The following CDC42BPG variants were observed in gnomAD, a reference collection of about 807,000 sequenced individuals.
CDC42BPG encodes serine/threonine-protein kinase MRCK gamma.
A neutral mutation model predicts 192.2 loss-of-function variants in CDC42BPG; 157 were observed. That is an observed-to-expected ratio of 0.82 (90% CI 0.72 to 0.93). The LOEUF (loss-of-function observed/expected upper bound fraction) is 0.93, where lower values mean the gene tolerates loss of function less well. Among genes scored for constraint, CDC42BPG ranks in the 40% least tolerant of loss-of-function variants. The pLI is 0.00. For missense variants in CDC42BPG, 1,992 were observed against 2,122.1 expected (o/e 0.94, Z 1.20); for synonymous variants, 981 against 918.5 (o/e 1.07, Z -1.23).
chr11:64,830,083 C>T lies in CDC42BPG; in HGVS notation c.3368-13G>A, dbSNP rs749545832. 1.4e-5 allele frequency: 23 copies of T among 1,612,352 alleles called. No homozygotes were observed. Among genetic ancestry groups the T allele is most frequent in the Non-Finnish European group, 1.8e-5 (21 of 1,179,470 alleles). On this transcript the variant is annotated splice_polypyrimidine_tract_variant and intron_variant, in intron 29 of 36. Transcript: ENST00000342711. ...ACCTGGAAGATGTCTGCAGGGTTGG[C>T]GAGGGGAGAGTGTCACTGGCAGGTG...
At chr11:64,831,231 G>GAA (rs11429027) in intron 28 of CDC42BPG, among the ~76,000 whole-genome samples, 68 of 146,784 alleles carry the variant, frequency 4.6e-4, no homozygotes, top group East Asian at 1.6e-3. Context: ...AAAAGAAAAA[G>GAA]AAAAAAAAAA....
rs1942438107 is a variant in CDC42BPG at position 64,826,729 on chromosome 11, C to G, written c.4455G>C (p.Glu1485Asp). 6.5e-7 allele frequency: 1 copy of G among 1,547,892 alleles called. No homozygotes were observed. The highest frequency in any genetic ancestry group is 1.2e-5 in the South Asian group (1 of 83,644). The change falls in exon 35 of 37, where the codon GAG (glutamate) becomes GAC (aspartate). Residue 1485 changes from glutamate (E) to aspartate (D), a missense_variant. By Grantham distance (45) the Glu-to-Asp change is conservative. This residue lies in a region of CDC42BPG where 336 missense variants were observed against 277.9 expected (regional missense o/e 1.21). Transcript: ENST00000342711. The part of the protein sequence containing the change: ...SGPQRPHSFS[E>D]ALRRPASMGS... Reference sequence around the variant, plus strand: ...CCATGGAGGCTGGGCGCCGCAACGCCTCGGAGAAGCTGTGGGGCCGCTGTG... The same window carrying G: ...CCATGGAGGCTGGGCGCCGCAACGCGTCGGAGAAGCTGTGGGGCCGCTGTG...
intron 36 of CDC42BPG, 141 bp from the exon 37 acceptor site, chr11:64,824,670 G>A: frequency 6.5e-6 from 4 of 611,416 alleles, no homozygotes; most frequent in South Asian, 2.0e-5. Flanking sequence ...GTGAGGTGAG[G>A]AGTAGAGGTG....
intron 16 of CDC42BPG, 37 bp from the exon 17 acceptor site, chr11:64,835,190 C>T: frequency 6.2e-7 from 1 of 1,602,412 alleles, no homozygotes; most frequent in East Asian, 2.2e-5. Flanking sequence ...CCCCAGGCCC[C>T]AGCAGTCCTG....
intron 20 of CDC42BPG, 65 bp from the exon 21 acceptor site, chr11:64,834,042 G>A (rs375663159): frequency 8.1e-5 from 129 of 1,596,672 alleles, no homozygotes; most frequent in East Asian, 7.1e-4. Context: ...TCCAGGAGGG[G>A]CCTCAGTTCC....
Position 64,834,521 on chromosome 11 carries a change from C to A in CDC42BPG, c.2232G>T (p.Glu744Asp). ...LQKMEASARL[E>D]LQSALEAEIR... is the part of the protein sequence containing the mutation. ...TCTCGGCCTCCAGCGCTGACTGCAG[C>A]TCCAGCCTGGCCGAGGCCTCCATCT... is the stretch of plus-strand genomic sequence containing the variant. Residue 744 changes from glutamate (E) to aspartate (D), a missense_variant, in exon 19 of 37, where the codon GAG (glutamate) becomes GAT (aspartate). Transcript: ENST00000342711. 2 of 1,583,072 alleles carry A rather than the reference C, an allele frequency of 1.3e-6. No individual in the cohort carries two copies. The highest frequency in any genetic ancestry group is 8.6e-7 in the Non-Finnish European group (1 of 1,163,072).
In CDC42BPG at chr11:64,831,593, C is replaced by T. The variant is rs376459497; in HGVS notation, c.3216G>A (p.Arg1072=). 6.2e-7 allele frequency: 1 copy of T among 1,612,252 alleles called. No homozygotes were observed. Among genetic ancestry groups the T allele is most frequent in the Admixed American group, 1.7e-5 (1 of 60,004 alleles). The change falls in exon 28 of 37, where the codon CGG becomes CGA. Residue 1072 remains arginine (R), a synonymous_variant. Coordinates refer to ENST00000342711, the MANE Select transcript of CDC42BPG (RefSeq NM_017525.3). The part of the protein sequence containing the change: ...GELQRLLLDA[R]PRPRPVYTLK... ...GTGTGTACACGGGCCGGGGTCTTGG[C>T]CGCGCGTCCAGCAGCAGCCGCTGCA...
chr11:64,836,704 C>CG, intron 11 of CDC42BPG, 35 bp downstream of exon 11: 1 of 455,580 alleles, frequency 2.2e-6, no homozygotes, highest in Non-Finnish European at 2.8e-6. Flanking sequence ...GGGACTCAGC[C>CG]CTGGGGGGGG....
chr11:64,831,195 G>A (rs1942667773), intron 28 of CDC42BPG, among the ~76,000 whole-genome samples: 1 of 151,406 alleles, frequency 6.6e-6, no homozygotes, highest in African/African-American at 2.4e-5. Context: ...TCCAGCCTGG[G>A]CGACCGAGCG....
intron 34 of CDC42BPG, 29 bp from the exon 35 acceptor site, chr11:64,826,823 G>C (rs1444028807): frequency 6.8e-7 from 1 of 1,475,316 alleles, no homozygotes; most frequent in Admixed American, 2.6e-5. Flanking sequence ...GAGGGGCTGG[G>C]ACTAGCAGGC....
Position 64,836,729 on chromosome 11 carries a change from G to GGC in CDC42BPG, c.1384+9_1384+10insGC. 1 of 1,166,950 alleles carries GGC rather than the reference G, an allele frequency of 8.6e-7. No homozygotes were observed. The highest frequency in any genetic ancestry group is 1.2e-6 in the Non-Finnish European group (1 of 848,758). The allele number at this position is 1,166,950 out of a possible 1,614,324, so 72.3% of individuals were successfully genotyped here. A position where few individuals can be genotyped will look rare whatever the true frequency, so the allele number is the denominator to read the frequency against. On this transcript the variant is annotated intron_variant, in intron 11 of 36. Coordinates refer to ENST00000342711, the MANE Select transcript of CDC42BPG (RefSeq NM_017525.3). ...CCTGGGGGGGGGGGGGGGGTGGGCGGAAGGGATACCTGGCAGCCTGTCCCG... is the reference window on the plus strand; with the variant it reads ...CCTGGGGGGGGGGGGGGGGTGGGCGGGCAAGGGATACCTGGCAGCCTGTCCCG...
chr11:64,841,961 C>T (rs1943300996), intron 1 of CDC42BPG, 57 bp from the exon 2 acceptor site: 2 of 1,412,422 alleles, frequency 1.4e-6, no homozygotes, highest in African/African-American at 2.8e-5. Flanking sequence ...CATTCCCCCT[C>T]TCACCTTGGG....
intron 10 of CDC42BPG, 34 bp downstream of exon 10, chr11:64,836,888 G>A (rs934926195): frequency 6.2e-7 from 1 of 1,610,424 alleles, no homozygotes; most frequent in Admixed American, 1.7e-5. Flanking sequence ...CCTAGGGCCA[G>A]CACACCCAGG....
chr11:64,839,198 A>G lies in CDC42BPG; in HGVS notation c.711T>C (p.Tyr237=). The G allele has an allele frequency of 6.2e-7, 1 of 1,613,260 alleles. No homozygotes were observed. The highest frequency in any genetic ancestry group is 1.1e-5 in the South Asian group (1 of 91,086). ...DSSVAVGTPD[Y]ISPEILQAME... Reference sequence around the variant, plus strand: ...TGGCCTGCAGGATCTCAGGGGAGATATAGTCCGGCGTCCCTACTGCCACTG... The same window carrying G: ...TGGCCTGCAGGATCTCAGGGGAGATGTAGTCCGGCGTCCCTACTGCCACTG... Residue 237 remains tyrosine, a synonymous_variant, in exon 7 of 37, where the codon TAT becomes TAC. Coordinates refer to ENST00000342711, the MANE Select transcript of CDC42BPG (RefSeq NM_017525.3).
chr11:64,839,723 T>A, intron 5 of CDC42BPG, 152 bp from the exon 6 acceptor site: 1 of 635,334 alleles, frequency 1.6e-6, no homozygotes, highest in South Asian at 1.9e-5. Context: ...AACGTGTGTG[T>A]GTGTAGATGA....
chr11:64,827,045 C>T lies in CDC42BPG; in HGVS notation c.4389+5G>A. On this transcript the variant is annotated splice_donor_5th_base_variant and intron_variant, in intron 34 of 36. Coordinates refer to ENST00000342711, the MANE Select transcript of CDC42BPG (RefSeq NM_017525.3). ...GTGGCTTGTGATTGGCTCCAGAGGA[C>T]TAACCGGGGACTTGTCCCTGGCGCC... The T allele has an allele frequency of 6.3e-7, 1 of 1,590,628 alleles. No homozygotes were observed. The highest frequency in any genetic ancestry group is 8.6e-7 in the Non-Finnish European group (1 of 1,160,030).
At chr11:64,829,417 C>T (rs1030159759) in intron 30 of CDC42BPG, 54 bp downstream of exon 30, 21 of 1,578,548 alleles carry the variant, frequency 1.3e-5, no homozygotes, top group Non-Finnish European at 1.8e-5. Flanking sequence ...ACCCTGTCTT[C>T]ACCCACCCAC....
At position 64,826,471 on chromosome 11, in the gene CDC42BPG, T is replaced by G. The variant is rs1294440907; in HGVS notation, c.4598A>C (p.Gln1533Pro). 2 of 1,594,994 alleles carry G rather than the reference T, an allele frequency of 1.3e-6. No homozygotes were observed. The highest frequency in any genetic ancestry group is 1.7e-4 in the Middle Eastern group (1 of 6,060). ...GACAAGCCTCCCGGACCCGCTCACC[T>G]GCATTAGGGAGGTTGCAGGGCTCAG... ...GSLSPATSLMQVSERPRSLPL... is the reference protein window; with the variant it reads ...GSLSPATSLMPVSERPRSLPL... Residue 1533 changes from glutamine to proline, a missense_variant and splice_region_variant, in exon 36 of 37, where the codon CAG becomes CCG. Coordinates refer to ENST00000342711, the MANE Select transcript of CDC42BPG (RefSeq NM_017525.3).
intron 28 of CDC42BPG, among the ~76,000 whole-genome samples, chr11:64,830,745 C>T (rs1187357070): frequency 6.6e-6 from 1 of 152,168 alleles, no homozygotes; most frequent in African/African-American, 2.4e-5. Context: ...GCCTCTTTCC[C>T]AGCCTTAGTT....
Sources: gnomAD v4.1 joint callset for allele counts (sites outside exome capture counted in the v4.1 genomes callset) on GRCh38, gnomAD v4.1.1 for gene constraint, gnomAD v4.1.1 regional missense constraint, MANE v1.5 for transcripts, NCBI Gene and HGNC (gene_info 2026-07-23, HGNC 2026-07-21) for gene names.